Variants in ABHD2 observed in about 807,000 individuals in gnomAD.
ABHD2 encodes the protein monoacylglycerol lipase ABHD2.
In ABHD2, 20 loss-of-function variants were observed where a neutral mutation model predicts 48.1. The ratio of observed to expected loss-of-function variants is 0.42; its 90% confidence interval spans 0.29 to 0.60. The LOEUF (loss-of-function observed/expected upper bound fraction) is 0.60. ABHD2 is among the 20% of genes least tolerant of loss of function. ABHD2 has a pLI of 0.24. For synonymous variants in ABHD2, 209 were observed against 214.2 expected (o/e 0.98, Z 0.21); for missense variants, 405 against 550.9 (o/e 0.74, Z 2.65).
At chr15:89,062,275 T>C in the ABHD2 span, among the ~76,000 whole-genome samples, 2 of 151,980 alleles carry the variant, frequency 1.3e-5, no homozygotes, top group African/African-American at 4.8e-5. Context: ...GTCAGGAATA[T>C]AAAGGTTGTT....
the ABHD2 span, among the ~76,000 whole-genome samples, chr15:89,057,385 G>A: frequency 6.6e-6 from 1 of 152,154 alleles, no homozygotes; most frequent in Non-Finnish European, 1.5e-5. Flanking sequence ...TTGGCGCAGT[G>A]ATGATGGGGT....
the ABHD2 span, among the ~76,000 whole-genome samples, chr15:89,064,219 CTTTT>C: frequency 5.9e-5 from 7 of 119,584 alleles, no homozygotes; most frequent in Admixed American, 9.2e-5. Flanking sequence ...ACATTGTGTC[CTTTT>C]TTTTTTTTTT....
chr15:89,055,323 CT>C, the ABHD2 span, among the ~76,000 whole-genome samples: 1,746 of 124,778 alleles, frequency 0.014, 10 homozygotes, highest in African/African-American at 0.042. Flanking sequence ...ACACTAGTTT[CT>C]TTTTTTTTTT....
rs186140009 is a variant in ABHD2, at chr15:89,170,469, T to C, written c.539-5343T>C. 1.7e-4 allele frequency among the ~76,000 whole-genome samples: 24 copies of C among 142,512 alleles called. 1 individual carries two copies. Among genetic ancestry groups the C allele is most frequent in the Admixed American group, 3.8e-4 (5 of 13,264 alleles). 93.5% of individuals were successfully genotyped at this position (142,512 alleles called of 152,430 possible). ...TCTACTGATGGAAATTTAGGTTGTTTCCAAACCTTTGCTGCTACAAACACC... is the reference window on the plus strand; with the variant it reads ...TCTACTGATGGAAATTTAGGTTGTTCCCAAACCTTTGCTGCTACAAACACC... On this transcript the variant is annotated intron_variant, in intron 5 of 10. Transcript: ENST00000352732.
chr15:89,176,092 A>T lies in ABHD2; in HGVS notation c.722+97A>T. The T allele has an allele frequency of 7.1e-6, 9 of 1,271,714 alleles. No homozygotes were observed. Among genetic ancestry groups the T allele is most frequent in the Non-Finnish European group, 9.7e-6 (9 of 926,986 alleles). The allele number at this position is 1,271,714 out of a possible 1,614,324, so 78.8% of individuals were successfully genotyped here. On this transcript the variant is annotated intron_variant, in intron 6 of 10. Coordinates refer to ENST00000352732, the MANE Select transcript of ABHD2 (RefSeq NM_152924.5). The surrounding 1 kb of genome is among the most constrained non-coding windows in gnomAD (Gnocchi z 4.5). ...CACTGTTCTGTGAAGACCGGGGAACACTGTGGCCGACTGAGTAGAAGTTTC... is the reference window on the plus strand; with the variant it reads ...CACTGTTCTGTGAAGACCGGGGAACTCTGTGGCCGACTGAGTAGAAGTTTC...
At chr15:89,170,714 A>C (rs1334898598) in intron 5 of ABHD2, among the ~76,000 whole-genome samples, 1 of 152,234 alleles carries the variant, frequency 6.6e-6, no homozygotes, top group Non-Finnish European at 1.5e-5. Flanking sequence ...GGTATTGGCA[A>C]ACTTCATCTT....
At chr15:89,083,542 CTA>C (rs1901312477), upstream of ABHD2, among the ~76,000 whole-genome samples, 1 of 152,082 alleles carries the variant, frequency 6.6e-6, no homozygotes, top group African/African-American at 2.4e-5. This position sits in a 1 kb window ranked among gnomAD's most constrained non-coding sequence, Gnocchi z 5.1. Flanking sequence ...GTACTGGGTC[CTA>C]TATATGTAAG....
At chr15:89,129,792 TAA>T (rs1013730794) in intron 3 of ABHD2, among the ~76,000 whole-genome samples, 2 of 141,818 alleles carry the variant, frequency 1.4e-5, no homozygotes, top group Non-Finnish European at 1.5e-5. Context: ...GTATGCTGAT[TAA>T]AAAAAAAAAA....
chr15:89,048,718 G>A, the ABHD2 span, among the ~76,000 whole-genome samples: 2 of 151,686 alleles, frequency 1.3e-5, no homozygotes, highest in African/African-American at 2.4e-5. Context: ...CATTCTTCAC[G>A]TAGTTCTCGA....
At chr15:89,081,166 ATTTTTTTTTTTTT>A in the ABHD2 span, among the ~76,000 whole-genome samples, 2 of 115,302 alleles carry the variant, frequency 1.7e-5, no homozygotes, top group East Asian at 2.4e-4. Context: ...TGCCCAGCTA[ATTTTTTTTTTTTT>A]TTTTTTTTTT....
the ABHD2 span, among the ~76,000 whole-genome samples, chr15:89,046,640 C>A: frequency 1.3e-5 from 2 of 151,908 alleles, no homozygotes; most frequent in South Asian, 2.1e-4. Context: ...GTGTATGTGT[C>A]GAGGAATTTA....
At chr15:89,138,229 T>G (rs1460952895) in intron 3 of ABHD2, among the ~76,000 whole-genome samples, 2 of 152,242 alleles carry the variant, frequency 1.3e-5, no homozygotes, top group Non-Finnish European at 2.9e-5. Context: ...CACACATGCA[T>G]GCACATGCAC....
At chr15:89,087,409 A>G (rs970841773), upstream of ABHD2, 1 of 152,174 alleles carries the variant, frequency 6.6e-6, no homozygotes, top group Admixed American at 6.5e-5. The surrounding 1 kb of genome is among the most constrained non-coding windows in gnomAD (Gnocchi z 5.5). Flanking sequence ...CAGGGGTTGC[A>G]TTTCAAGTCG....
At chr15:89,042,587 C>CTTTCTTAT in the ABHD2 span, among the ~76,000 whole-genome samples, 74 of 142,010 alleles carry the variant, frequency 5.2e-4, no homozygotes, top group African/African-American at 1.7e-3. Flanking sequence ...TTCTTTCTTT[C>CTTTCTTAT]TTATTTATTT....
the ABHD2 span, among the ~76,000 whole-genome samples, chr15:89,080,293 A>G: frequency 6.6e-6 from 1 of 152,222 alleles, no homozygotes; most frequent in Non-Finnish European, 1.5e-5. Context: ...TCTTCCCAAG[A>G]AAACACTTTA....
chr15:89,054,815 T>G, the ABHD2 span, among the ~76,000 whole-genome samples: 2 of 152,210 alleles, frequency 1.3e-5, no homozygotes, highest in South Asian at 2.1e-4. Context: ...TAATACTATA[T>G]GTACTGTTTG....
At chr15:89,083,674 TTATGATTTTACTA>T (rs1901314120), upstream of ABHD2, among the ~76,000 whole-genome samples, 1 of 152,212 alleles carries the variant, frequency 6.6e-6, no homozygotes, top group Non-Finnish European at 1.5e-5. The surrounding 1 kb of genome is among the most constrained non-coding windows in gnomAD (Gnocchi z 5.1). Context: ...AGTGTTCATC[TTATGATTTTACTA>T]TAGACAACTC....
At chr15:89,065,199 C>G in the ABHD2 span, among the ~76,000 whole-genome samples, 1 of 152,152 alleles carries the variant, frequency 6.6e-6, no homozygotes, top group African/African-American at 2.4e-5. Context: ...TCTCCACCTC[C>G]TCCTTCAAGG....
chr15:89,054,602 A>G, the ABHD2 span, among the ~76,000 whole-genome samples: 4 of 151,720 alleles, frequency 2.6e-5, no homozygotes, highest in African/African-American at 9.7e-5. Flanking sequence ...AATCGTTTGA[A>G]CCCAGCAGAG....
Sources: gnomAD v4.1 joint callset for allele counts (sites outside exome capture counted in the v4.1 genomes callset) on GRCh38, gnomAD v4.1.1 for gene constraint, Gnocchi (gnomAD v3.1) non-coding constraint, MANE v1.5 for transcripts, NCBI Gene and HGNC (gene_info 2026-07-23, HGNC 2026-07-21) for gene names.